The following ELAPOR2 variants were observed in gnomAD, a reference collection of about 807,000 sequenced individuals.
ELAPOR2 encodes the protein endosome/lysosome-associated apoptosis and autophagy regulator family member 2.
In ELAPOR2, 89 loss-of-function variants were observed where a neutral mutation model predicts 120.7. The ratio of observed to expected loss-of-function variants is 0.74; its 90% CI spans 0.62 to 0.88. The LOEUF (loss-of-function observed/expected upper bound fraction) is 0.88, where lower values mean the gene tolerates loss of function less well. Ranked by LOEUF, ELAPOR2 falls within the 40% of genes least tolerant of loss-of-function variation. The pLI, the probability that ELAPOR2 is intolerant of heterozygous loss-of-function variation, is 0.00. For synonymous variants in ELAPOR2, 444 were observed against 444.9 expected (o/e 1.00, Z 0.03); for missense variants, 1,134 against 1,251.6 (o/e 0.91, Z 1.42).
intron 1 of ELAPOR2, among the ~76,000 whole-genome samples, chr7:86,987,781 C>T (rs1792804885): frequency 6.6e-6 from 1 of 152,156 alleles, no homozygotes; most frequent in Non-Finnish European, 1.5e-5. Flanking sequence ...TTGTGGAAGA[C>T]AGTGTGATGA....
At chr7:87,030,464 AAAAATAC>A (rs1449514306) in intron 1 of ELAPOR2, among the ~76,000 whole-genome samples, 1 of 152,208 alleles carries the variant, frequency 6.6e-6, no homozygotes, top group Non-Finnish European at 1.5e-5. Flanking sequence ...AAGAAAAAGA[AAAAATAC>A]AACTAAACCT....
intron 21 of ELAPOR2, among the ~76,000 whole-genome samples, chr7:86,890,749 C>A (rs1281018303): frequency 6.6e-6 from 1 of 151,980 alleles, no homozygotes; most frequent in Non-Finnish European, 1.5e-5. Flanking sequence ...ATAGTACCCT[C>A]CTTACATCTT....
chr7:87,002,504 A>G (rs1416020725), intron 1 of ELAPOR2, among the ~76,000 whole-genome samples: 2 of 152,092 alleles, frequency 1.3e-5, no homozygotes, highest in African/African-American at 2.4e-5. Flanking sequence ...CTACCACTCA[A>G]CTTTTCTTAG....
intron 18 of ELAPOR2, among the ~76,000 whole-genome samples, chr7:86,906,132 A>G (rs1168089426): frequency 1.3e-5 from 2 of 152,154 alleles, no homozygotes; most frequent in Non-Finnish European, 2.9e-5. Flanking sequence ...TAGGTTCACA[A>G]TATGGCCCCC....
chr7:86,966,481 A>T (rs1204980244), intron 1 of ELAPOR2, among the ~76,000 whole-genome samples: 1 of 151,988 alleles, frequency 6.6e-6, no homozygotes, highest in African/African-American at 2.4e-5. Context: ...TCTAAAATCC[A>T]CATTTCTACC....
chr7:87,010,609 C>A (rs983520241), intron 1 of ELAPOR2, among the ~76,000 whole-genome samples: 8 of 152,320 alleles, frequency 5.3e-5, no homozygotes, highest in African/African-American at 1.9e-4. Context: ...TGTTCTGCTG[C>A]TGTCTTTACC....
intron 1 of ELAPOR2, among the ~76,000 whole-genome samples, chr7:87,052,263 CATTGTGGAAGGTG>C (rs1488523929): frequency 3.9e-5 from 6 of 152,196 alleles, no homozygotes; most frequent in African/African-American, 1.4e-4. Context: ...GCCTCACAAT[CATTGTGGAAGGTG>C]AAAGGCACAT....
intron 2 of ELAPOR2, 25 bp from the exon 3 acceptor site, chr7:86,947,947 C>T: frequency 6.8e-7 from 1 of 1,478,452 alleles, no homozygotes. Context: ...AATGGACAAC[C>T]CATTACTTAC....
chr7:87,053,190 T>C (rs1019985104), intron 1 of ELAPOR2, among the ~76,000 whole-genome samples: 1 of 152,184 alleles, frequency 6.6e-6, no homozygotes, highest in Non-Finnish European at 1.5e-5. Flanking sequence ...TCAATTCCTG[T>C]TTATAACTGA....
intron 1 of ELAPOR2, among the ~76,000 whole-genome samples, chr7:87,058,403 A>T: frequency 6.6e-6 from 1 of 152,314 alleles, no homozygotes; most frequent in South Asian, 2.1e-4. Context: ...TCCTCCCAAC[A>T]CAATCAAAGT....
At chr7:86,901,392 A>G (rs959265262) in intron 18 of ELAPOR2, among the ~76,000 whole-genome samples, 1 of 152,196 alleles carries the variant, frequency 6.6e-6, no homozygotes, top group Non-Finnish European at 1.5e-5. Context: ...CTGAGAGATG[A>G]GCTATTAGTG....
chr7:86,983,858 G>T (rs1279099655), intron 1 of ELAPOR2, among the ~76,000 whole-genome samples: 3 of 152,114 alleles, frequency 2.0e-5, no homozygotes, highest in Non-Finnish European at 2.9e-5. Flanking sequence ...AATGTAAATG[G>T]GCTAGATACC....
At chr7:86,887,977 T>C (rs538228911) in intron 21 of ELAPOR2, among the ~76,000 whole-genome samples, 4 of 152,242 alleles carry the variant, frequency 2.6e-5, no homozygotes, top group Non-Finnish European at 5.9e-5. Flanking sequence ...TAGGGCATGA[T>C]GTGTTATTTA....
chr7:86,946,630 G>A lies in ELAPOR2; in HGVS notation c.506+1097C>T, dbSNP rs563080462. 7.2e-5 allele frequency among the ~76,000 whole-genome samples: 11 copies of A among 152,098 alleles called. No homozygotes were observed. The South Asian group carries it at 1.0e-3, about 14-fold the overall frequency. On this transcript the variant is annotated intron_variant, in intron 3 of 21. Coordinates refer to ENST00000450689, the MANE Select transcript of ELAPOR2 (RefSeq NM_001142749.3). Reference sequence around the variant, plus strand: ...TTGAACTCCCAACCTCAGGTGATCCGCCTGCCTCGACCTCCCAAAGTGCTG... The same window carrying A: ...TTGAACTCCCAACCTCAGGTGATCCACCTGCCTCGACCTCCCAAAGTGCTG...
Position 86,926,788 on chromosome 7 carries a change from T to C in ELAPOR2, c.1218A>G (p.Gly406=), listed in dbSNP as rs761754314. The C allele has an allele frequency of 6.2e-7, 1 of 1,611,830 alleles. No individual in the cohort carries two copies. Among genetic ancestry groups the C allele is most frequent in the Non-Finnish European group, 8.5e-7 (1 of 1,178,748 alleles). The stretch of plus-strand genomic sequence containing the variant: ...GAGGACAGGGATGGCAAGAAGATGA[T>C]CCATTGTTATAAAATCCAGGGTTGC... The part of the protein sequence containing the change: ...PPCNPGFYNN[G]SSSCHPCPPG... The change falls in exon 9 of 22, where the codon GGA becomes GGG. Residue 406 remains glycine, a synonymous_variant. Transcript: ENST00000450689.
intron 1 of ELAPOR2, among the ~76,000 whole-genome samples, chr7:87,008,981 A>G (rs1428897345): frequency 6.6e-6 from 1 of 152,188 alleles, no homozygotes; most frequent in Non-Finnish European, 1.5e-5. Flanking sequence ...AATACATAAG[A>G]AACAGTTGTA....
At chr7:86,950,029 G>A (rs911323706) in intron 2 of ELAPOR2, among the ~76,000 whole-genome samples, 8 of 152,138 alleles carry the variant, frequency 5.3e-5, no homozygotes, top group South Asian at 2.1e-4. Context: ...GCCCATGGCC[G>A]CCCATTGACC....
At chr7:86,925,734 C>T in intron 9 of ELAPOR2, 78 bp from the exon 10 acceptor site, 1 of 1,285,420 alleles carries the variant, frequency 7.8e-7, no homozygotes, top group Admixed American at 1.8e-5. Flanking sequence ...TCCAAACACA[C>T]TACATTACAA....
At chr7:86,888,154 G>GC (rs550156237) in intron 21 of ELAPOR2, among the ~76,000 whole-genome samples, 20 of 151,996 alleles carry the variant, frequency 1.3e-4, no homozygotes, top group Non-Finnish European at 2.8e-4. Flanking sequence ...TGAGTGCACT[G>GC]CCCCCCAAGT....
Sources: gnomAD v4.1 joint callset for allele counts (sites outside exome capture counted in the v4.1 genomes callset) on GRCh38, gnomAD v4.1.1 for gene constraint, MANE v1.5 for transcripts, NCBI Gene and HGNC (gene_info 2026-07-23, HGNC 2026-07-21) for gene names.